Variants in ATP2C1 observed in about 807,000 individuals in gnomAD.
The protein encoded by ATP2C1 is ATPase secretory pathway Ca2+ transporting 1, also known as calcium-transporting ATPase type 2C member 1.
Under a neutral mutation model 120.5 loss-of-function variants are expected in ATP2C1, and 31 were observed. The ratio of observed to expected loss-of-function variants is 0.26; its 90% CI spans 0.19 to 0.35. ATP2C1 has a LOEUF of 0.35. ATP2C1 is among the 10% of genes least tolerant of loss of function. ATP2C1 has a pLI of 1.00. For synonymous variants in ATP2C1, 351 were observed against 358.7 expected (o/e 0.98, Z 0.24); for missense variants, 731 against 1,107.5 (o/e 0.66, Z 4.83).
At chr3:130,850,875 C>G in exon 1 of ATP2C1, 1 of 1,442,914 alleles carries the variant, frequency 6.9e-7, no homozygotes. Flanking sequence ...ATATCCTCTC[C>G]ATGCAATTAG....
chr3:130,910,995 A>G (rs1398308745), intron 2 of ATP2C1, among the ~76,000 whole-genome samples: 9 of 149,522 alleles, frequency 6.0e-5, no homozygotes, highest in African/African-American at 7.4e-5. Flanking sequence ...CTCTTTTTCT[A>G]TTGATTGGAA....
intron 1 of ATP2C1, among the ~76,000 whole-genome samples, chr3:130,887,055 T>C (rs2107845748): frequency 6.6e-6 from 1 of 152,370 alleles, no homozygotes; most frequent in Non-Finnish European, 1.5e-5. Context: ...ACCTCAAGCC[T>C]AGTAAGGTTG....
intron 1 of ATP2C1, chr3:130,855,913 G>A (rs564688465): frequency 6.6e-6 from 1 of 152,288 alleles, no homozygotes; most frequent in African/African-American, 2.4e-5. Context: ...GAAAACACAG[G>A]CCAGCTAATT....
At chr3:130,891,954 ATTC>A (rs1473141910), upstream of ATP2C1, among the ~76,000 whole-genome samples, 18 of 152,306 alleles carry the variant, frequency 1.2e-4, no homozygotes, top group Middle Eastern at 3.4e-3. Context: ...TAATTGGTCA[ATTC>A]TTCTTGGTAA....
At chr3:130,860,864 A>G (rs2067991934) in intron 1 of ATP2C1, among the ~76,000 whole-genome samples, 1 of 152,248 alleles carries the variant, frequency 6.6e-6, no homozygotes, top group Non-Finnish European at 1.5e-5. Context: ...TTTGGAAGAT[A>G]CCTTAAATCT....
chr3:130,880,481 A>C (rs2068746275), intron 1 of ATP2C1, among the ~76,000 whole-genome samples: 1 of 152,208 alleles, frequency 6.6e-6, no homozygotes, highest in Non-Finnish European at 1.5e-5. Context: ...ACCTTCTATA[A>C]TCAAGGAAGA....
intron 3 of ATP2C1, among the ~76,000 whole-genome samples, chr3:130,931,247 G>C (rs893225612): frequency 6.6e-6 from 1 of 151,964 alleles, no homozygotes; most frequent in African/African-American, 2.4e-5. Flanking sequence ...CTTTTGGTCA[G>C]GGCAACTATT....
chr3:130,902,313 T>C (rs935029367), intron 2 of ATP2C1, among the ~76,000 whole-genome samples: 1 of 70,630 alleles, frequency 1.4e-5, no homozygotes, highest in East Asian at 3.7e-4. Context: ...TTTTTTTTTT[T>C]TTTTTTTTTC....
At chr3:130,997,131 G>T (rs1348580525) in intron 24 of ATP2C1, among the ~76,000 whole-genome samples, 1 of 151,970 alleles carries the variant, frequency 6.6e-6, no homozygotes, top group African/African-American at 2.4e-5. Flanking sequence ...TATTATCTAG[G>T]TTCTACTGTC....
intron 4 of ATP2C1, 145 bp from the exon 5 acceptor site, chr3:130,934,477 A>C (rs926921690): frequency 1.6e-6 from 1 of 626,162 alleles, no homozygotes; most frequent in Admixed American, 3.0e-5. Context: ...TTTTTTTGTT[A>C]ATTGAAGAGA....
rs1295347127 is a variant in ATP2C1 at position 131,001,426 on chromosome 3, T to A, written c.*76T>A. ...ATTTAGAAGGGCAAGTTCAAGAGGA[T>A]ATGAAGATTTGAGAACTTTTTAACT... is the stretch of plus-strand genomic sequence containing the variant. On this transcript the variant is annotated 3_prime_UTR_variant, in exon 28 of 28. Transcript: ENST00000510168. 2.6e-6 allele frequency: 4 copies of A among 1,555,070 alleles called. No homozygotes were observed. The highest frequency in any genetic ancestry group is 2.6e-6 in the Non-Finnish European group (3 of 1,152,052).
In ATP2C1 at chr3:130,894,961, A is replaced by C. The variant is rs2069465066; in HGVS notation, c.6+186A>C. Among the ~76,000 whole-genome samples, 1 of 151,986 alleles carries C rather than the reference A, an allele frequency of 6.6e-6. No individual in the cohort carries two copies. The highest frequency in any genetic ancestry group is 6.6e-5 in the Admixed American group (1 of 15,264). On this transcript the variant is annotated intron_variant, in intron 2 of 27. Coordinates refer to ENST00000510168, the MANE Select transcript of ATP2C1 (RefSeq NM_001378687.1). This position sits in a 1 kb window ranked among gnomAD's most constrained non-coding sequence, Gnocchi z 4.5. ...ATTTTGGTAACATGGGGCATTTGAG[A>C]GATTGAGGTTCTGTGGGTGACTGAG...
intron 8 of ATP2C1, among the ~76,000 whole-genome samples, chr3:130,947,564 G>A (rs765961032): frequency 4.6e-5 from 7 of 152,092 alleles, no homozygotes; most frequent in Non-Finnish European, 7.4e-5. Flanking sequence ...TTCATTTAAT[G>A]TAATGTTTTT....
chr3:131,008,662 A>T (rs1304454155), intron 26 of ATP2C1, among the ~76,000 whole-genome samples: 1 of 152,166 alleles, frequency 6.6e-6, no homozygotes, highest in Non-Finnish European at 1.5e-5. Context: ...AGCCCTTTGT[A>T]GAAAGTTTGC....
intron 16 of ATP2C1, 146 bp from the exon 17 acceptor site, chr3:130,969,146 G>A (rs963694814): frequency 5.9e-6 from 4 of 679,606 alleles, no homozygotes; most frequent in African/African-American, 1.8e-5. Flanking sequence ...GGGAAGTACA[G>A]TATATATAGA....
chr3:130,945,693 A>G (rs1420122389), intron 8 of ATP2C1, among the ~76,000 whole-genome samples: 3 of 151,684 alleles, frequency 2.0e-5, no homozygotes, highest in African/African-American at 7.3e-5. Flanking sequence ...AAGGACAAGA[A>G]CTCATCCTTT....
chr3:130,995,718 G>A (rs992656344), intron 22 of ATP2C1, among the ~76,000 whole-genome samples: 8 of 152,184 alleles, frequency 5.3e-5, no homozygotes, highest in Admixed American at 5.2e-4. Flanking sequence ...TTGGCTCACT[G>A]CAACCTCCGC....
At chr3:131,006,626 AGTGTGTGT>A (rs2063122563), downstream of ATP2C1, among the ~76,000 whole-genome samples, 1 of 96,188 alleles carries the variant, frequency 1.0e-5, no homozygotes, top group African/African-American at 3.8e-5. Flanking sequence ...CCAGATTTCT[AGTGTGTGT>A]TTGTGTGTGT....
chr3:130,955,219 A>G, intron 10 of ATP2C1, 139 bp downstream of exon 10: 1 of 693,936 alleles, frequency 1.4e-6, no homozygotes, highest in Non-Finnish European at 2.5e-6. Context: ...CTGTTTAGAA[A>G]CATAATTGGA....
Sources: gnomAD v4.1 joint callset for allele counts (sites outside exome capture counted in the v4.1 genomes callset) on GRCh38, gnomAD v4.1.1 for gene constraint, Gnocchi (gnomAD v3.1) non-coding constraint, MANE v1.5 for transcripts, NCBI Gene and HGNC (gene_info 2026-07-23, HGNC 2026-07-21) for gene names.